H1-3: variants seen among roughly 807,000 people sequenced by gnomAD.
H1-3 encodes histone H1.3.
Under a neutral mutation model 3.6 loss-of-function variants are expected in H1-3, and 4 were observed. That is an observed-to-expected ratio of 1.12 (90% confidence interval 0.55 to 2.57). The LOEUF (loss-of-function observed/expected upper bound fraction) is 2.57, where lower values mean the gene tolerates loss of function less well. H1-3 is among the 30% of genes most tolerant of loss of function. H1-3 has a pLI of 0.02. For synonymous variants in H1-3, 266 were observed against 110.0 expected (o/e 2.42, Z -8.87); for missense variants, 670 against 274.3 (o/e 2.44, Z -10.19).
rs41266815 is a variant in H1-3 at position 26,234,923 on chromosome 6, G to A, written c.11C>T (p.Thr4Ile). The part of the protein sequence containing the change: MSE[T>I]APLAPTIPAP... ...AGGAATGGTAGGAGCAAGTGGAGCA[G>A]TCTCCGACATGTTTTTGTCTTCCCA... The change falls in exon 1 of 1, where the codon ACT (threonine) becomes ATT (isoleucine). Residue 4 changes from threonine to isoleucine, a missense_variant. By Grantham distance (89) the Thr-to-Ile change is moderately conservative. Coordinates refer to ENST00000244534, the MANE Select transcript of H1-3 (RefSeq NM_005320.3). 1.9e-5 allele frequency: 31 copies of A among 1,600,566 alleles called. No individual in the cohort carries two copies. The highest frequency in any genetic ancestry group is 1.7e-4 in the Middle Eastern group (1 of 5,986).
At position 26,234,594 on chromosome 6, in the gene H1-3, A is replaced by G; in HGVS notation, c.340T>C (p.Ser114Pro). 1 of 1,613,854 alleles carries G rather than the reference A, an allele frequency of 6.2e-7. No individual in the cohort carries two copies. Among genetic ancestry groups the G allele is most frequent in the Non-Finnish European group, 8.5e-7 (1 of 1,180,014 alleles). ...TTGGCCTTGGGTTTGCCTTCCCCGG[A>G]AGCCGCTTTCTTGTTGAGTTTGAAG... ...GSFKLNKKAA[S>P]GEGKPKAKKA... Residue 114 changes from serine (S) to proline (P), a missense_variant, in exon 1 of 1, where the codon TCC becomes CCC. Transcript: ENST00000244534.
Position 26,234,658 on chromosome 6 carries a change from A to G in H1-3, c.276T>C (p.Gly92=), listed in dbSNP as rs755594152. 10 of 1,613,998 alleles carry G rather than the reference A, an allele frequency of 6.2e-6. No homozygotes were observed. The African/African-American group carries it at 1.1e-4, about 17-fold the overall frequency. ...KLGLKSLVSK[G]TLVQTKGTGA... ...CGGTACCTTTGGTCTGCACCAGAGT[A>G]CCTTTGCTCACCAAGCTCTTGAGGC... is the stretch of plus-strand genomic sequence containing the variant. Residue 92 remains glycine, a synonymous_variant, in exon 1 of 1, where the codon GGT becomes GGC. Coordinates refer to ENST00000244534, the MANE Select transcript of H1-3 (RefSeq NM_005320.3).
In H1-3 at chr6:26,234,917, G is replaced by T; in HGVS notation, c.17C>A (p.Pro6Gln). Residue 6 changes from proline to glutamine, a missense_variant, in exon 1 of 1, where the codon CCA becomes CAA. Coordinates refer to ENST00000244534, the MANE Select transcript of H1-3 (RefSeq NM_005320.3). Reference protein sequence around the residue: MSETAPLAPTIPAPAE... With the variant: MSETAQLAPTIPAPAE... Reference sequence around the variant, plus strand: ...GGGTGCAGGAATGGTAGGAGCAAGTGGAGCAGTCTCCGACATGTTTTTGTC... The same window carrying T: ...GGGTGCAGGAATGGTAGGAGCAAGTTGAGCAGTCTCCGACATGTTTTTGTC... 6.2e-7 allele frequency: 1 copy of T among 1,606,990 alleles called. No homozygotes were observed. Among genetic ancestry groups the T allele is most frequent in the Non-Finnish European group, 8.5e-7 (1 of 1,177,672 alleles).
In H1-3 at chr6:26,234,612, G is replaced by T. The variant is rs144176369; in HGVS notation, c.322C>A (p.Leu108Ile). 6.2e-7 allele frequency: 1 copy of T among 1,614,098 alleles called. No homozygotes were observed. Among genetic ancestry groups the T allele is most frequent in the South Asian group, 1.1e-5 (1 of 91,074 alleles). The change falls in exon 1 of 1, where the codon CTC (leucine) becomes ATC (isoleucine). Residue 108 changes from leucine (L) to isoleucine (I), a missense_variant. Physicochemically the swap from Leu to Ile is conservative, Grantham distance 5. Coordinates refer to ENST00000244534, the MANE Select transcript of H1-3 (RefSeq NM_005320.3). ...TCCCCGGAAGCCGCTTTCTTGTTGA[G>T]TTTGAAGGAGCCAGAAGCACCGGTA... is the stretch of plus-strand genomic sequence containing the variant. ...KGTGASGSFK[L>I]NKKAASGEGK...
chr6:26,234,402 CCT>C lies in H1-3; in HGVS notation c.530_531del (p.Lys177SerfsTer15). 6.2e-7 allele frequency: 1 copy of C among 1,614,216 alleles called. No homozygotes were observed. On this transcript the variant is annotated frameshift_variant, in exon 1 of 1. Coordinates refer to ENST00000244534, the MANE Select transcript of H1-3 (RefSeq NM_005320.3). LOFTEE classifies it low-confidence loss of function (END_TRUNC). ...GCTTTTTTTGGCTGAGGTGTTTTCA[CCT>C]TTTTCGCACTCTTGGCCACTTTCTT... Reference protein sequence around the residue: ...GTKKVAKSAKKVKTPQPKKAA... With the variant: ...GTKKVAKSAKXVKTPQPKKAA...
chr6:26,234,507 C>T lies in H1-3; in HGVS notation c.427G>A (p.Ala143Thr), dbSNP rs1759737768. ...CTTTTCTTCGGGGTAGCGGCGCCAG[C>T]CACCTTCTTGGGCTTCTTGGCTGCC... ...AGAAKKPKKV[A>T]GAATPKKSIK... Residue 143 changes from alanine to threonine, a missense_variant, in exon 1 of 1, where the codon GCT becomes ACT. By Grantham distance (58) the Ala-to-Thr change is moderately conservative. Coordinates refer to ENST00000244534, the MANE Select transcript of H1-3 (RefSeq NM_005320.3). The T allele has an allele frequency of 6.2e-7, 1 of 1,613,918 alleles. No homozygotes were observed. The highest frequency in any genetic ancestry group is 8.5e-7 in the Non-Finnish European group (1 of 1,180,006).
rs1287446183 is a variant in H1-3, at chr6:26,234,550, C to T, written c.384G>A (p.Lys128=). ...TGGCTGCCCCAGCAGGCTTCCTAGG[C>T]TTGGCTGCGCCAGCCTTTTTGGCCT... ...KPKAKKAGAA[K]PRKPAGAAKK... The change falls in exon 1 of 1, where the codon AAG becomes AAA. Residue 128 remains lysine, a synonymous_variant. Coordinates refer to ENST00000244534, the MANE Select transcript of H1-3 (RefSeq NM_005320.3). The T allele has an allele frequency of 8.7e-6, 14 of 1,612,590 alleles. No homozygotes were observed. Among genetic ancestry groups the T allele is most frequent in the Middle Eastern group, 1.7e-4 (1 of 5,746 alleles).
rs148166404 is a variant in H1-3, at chr6:26,234,533, C to A, written c.401G>T (p.Gly134Val). 5.4e-5 allele frequency: 87 copies of A among 1,613,368 alleles called. 1 individual carries two copies. Among genetic ancestry groups the A allele is most frequent in the South Asian group, 2.7e-4 (25 of 91,060 alleles). Residue 134 changes from glycine (G) to valine (V), a missense_variant, in exon 1 of 1, where the codon GGG (glycine) becomes GTG (valine). By Grantham distance (109) the Gly-to-Val change is moderately radical. Transcript: ENST00000244534. ...CACCTTCTTGGGCTTCTTGGCTGCCCCAGCAGGCTTCCTAGGCTTGGCTGC... is the reference window on the plus strand; with the variant it reads ...CACCTTCTTGGGCTTCTTGGCTGCCACAGCAGGCTTCCTAGGCTTGGCTGC... ...AGAAKPRKPA[G>V]AAKKPKKVAG... is the part of the protein sequence containing the mutation.
At position 26,234,980 on chromosome 6, in the gene H1-3, A is replaced by C; in HGVS notation, c.-47T>G. The C allele has an allele frequency of 6.6e-7, 1 of 1,523,250 alleles. No homozygotes were observed. Among genetic ancestry groups the C allele is most frequent in the Non-Finnish European group, 8.9e-7 (1 of 1,128,294 alleles). The allele number at this position is 1,523,250 out of a possible 1,614,324, so 94.4% of individuals were successfully genotyped here. A position where few individuals can be genotyped will look rare whatever the true frequency, so the allele number is the denominator to read the frequency against. ...ACAATAAGTAATCTCAAACTGTCAG[A>C]ACAGCATGTCCTCTACGAGGGAGGC... On this transcript the variant is annotated 5_prime_UTR_variant, in exon 1 of 1. Transcript: ENST00000244534.
Position 26,234,442 on chromosome 6 carries a change from G to C in H1-3, c.492C>G (p.Thr164=). The C allele has an allele frequency of 6.2e-7, 1 of 1,614,108 alleles. No individual in the cohort carries two copies. The highest frequency in any genetic ancestry group is 8.5e-7 in the Non-Finnish European group (1 of 1,179,972). ...KTPKKVKKPA[T]AAGTKKVAKS... ...TGGCCACTTTCTTGGTCCCAGCAGCGGTTGCTGGCTTCTTTACCTTCTTAG... is the reference window on the plus strand; with the variant it reads ...TGGCCACTTTCTTGGTCCCAGCAGCCGTTGCTGGCTTCTTTACCTTCTTAG... Residue 164 remains threonine (T), a synonymous_variant, in exon 1 of 1, where the codon ACC becomes ACG. Coordinates refer to ENST00000244534, the MANE Select transcript of H1-3 (RefSeq NM_005320.3).
Position 26,234,325 on chromosome 6 carries a change from AGGCTTGGCCGCCTTG to A in H1-3, c.594_608del (p.Ala200_Lys204del). On this transcript the variant is annotated inframe_deletion, in exon 1 of 1. Transcript: ENST00000244534. ...TTGTAACCTTCGGCTTCCCCGACTT[AGGCTTGGCCGCCTTG>A]GGCTTAGGGGCTTTGGCCTTAGCTG... The A allele has an allele frequency of 6.2e-7, 1 of 1,612,886 alleles. No individual in the cohort carries two copies. The highest frequency in any genetic ancestry group is 8.5e-7 in the Non-Finnish European group (1 of 1,179,690).
In H1-3 at chr6:26,234,608, T is replaced by G. The variant is rs749753570; in HGVS notation, c.326A>C (p.Asn109Thr). Residue 109 changes from asparagine (N) to threonine (T), a missense_variant, in exon 1 of 1, where the codon AAC (asparagine) becomes ACC (threonine). Transcript: ENST00000244534. ...GTGASGSFKL[N>T]KKAASGEGKP... ...GCCTTCCCCGGAAGCCGCTTTCTTG[T>G]TGAGTTTGAAGGAGCCAGAAGCACC... 1.9e-6 allele frequency: 3 copies of G among 1,613,924 alleles called. No homozygotes were observed. Among genetic ancestry groups the G allele is most frequent in the South Asian group, 1.1e-5 (1 of 91,080 alleles).
In H1-3 at chr6:26,234,622, G is replaced by T; in HGVS notation, c.312C>A (p.Gly104=). ...LVQTKGTGAS[G]SFKLNKKAAS... ...CCGCTTTCTTGTTGAGTTTGAAGGA[G>T]CCAGAAGCACCGGTACCTTTGGTCT... Residue 104 remains glycine (G), a synonymous_variant, in exon 1 of 1, where the codon GGC becomes GGA. Coordinates refer to ENST00000244534, the MANE Select transcript of H1-3 (RefSeq NM_005320.3). 1 of 1,614,138 alleles carries T rather than the reference G, an allele frequency of 6.2e-7. No individual in the cohort carries two copies. The highest frequency in any genetic ancestry group is 8.5e-7 in the Non-Finnish European group (1 of 1,180,024).
In H1-3 at chr6:26,234,915, G is replaced by T; in HGVS notation, c.19C>A (p.Leu7Ile). Residue 7 changes from leucine (L) to isoleucine (I), a missense_variant, in exon 1 of 1, where the codon CTT becomes ATT. Transcript: ENST00000244534. MSETAP[L>I]APTIPAPAEK... is the part of the protein sequence containing the mutation. Reference sequence around the variant, plus strand: ...GCGGGTGCAGGAATGGTAGGAGCAAGTGGAGCAGTCTCCGACATGTTTTTG... The same window carrying T: ...GCGGGTGCAGGAATGGTAGGAGCAATTGGAGCAGTCTCCGACATGTTTTTG... 1 of 1,607,552 alleles carries T rather than the reference G, an allele frequency of 6.2e-7. No individual in the cohort carries two copies. Among genetic ancestry groups the T allele is most frequent in the South Asian group, 1.1e-5 (1 of 90,348 alleles).
chr6:26,234,361 A>T lies in H1-3; in HGVS notation c.573T>A (p.Ala191=), dbSNP rs151217279. 76 of 1,614,222 alleles carry T rather than the reference A, an allele frequency of 4.7e-5. No homozygotes were observed. In the African/African-American group the frequency reaches 8.3e-4, roughly 18 times the overall value. Residue 191 remains alanine (A), a synonymous_variant, in exon 1 of 1, where the codon GCT becomes GCA. Coordinates refer to ENST00000244534, the MANE Select transcript of H1-3 (RefSeq NM_005320.3). ...PQPKKAAKSP[A]KAKAPKPKAA... is the part of the protein sequence containing the mutation. ...CCTTGGGCTTAGGGGCTTTGGCCTT[A>T]GCTGGACTCTTGGCAGCTTTTTTTG...
rs745352725 is a variant in H1-3 at position 26,234,946 on chromosome 6, C to T, written c.-13G>A. On this transcript the variant is annotated 5_prime_UTR_variant, in exon 1 of 1. Coordinates refer to ENST00000244534, the MANE Select transcript of H1-3 (RefSeq NM_005320.3). ...CAGTCTCCGACATGTTTTTGTCTTC[C>T]CAGAAAAGACAATAAGTAATCTCAA... The T allele has an allele frequency of 3.8e-6, 6 of 1,584,330 alleles. No individual in the cohort carries two copies. Among genetic ancestry groups the T allele is most frequent in the South Asian group, 2.3e-5 (2 of 86,506 alleles).
Position 26,234,468 on chromosome 6 carries a change from G to C in H1-3, c.466C>G (p.Pro156Ala). 4 of 1,614,094 alleles carry C rather than the reference G, an allele frequency of 2.5e-6. No homozygotes were observed. Among genetic ancestry groups the C allele is most frequent in the East Asian group, 2.2e-5 (1 of 44,872 alleles). Residue 156 changes from proline to alanine, a missense_variant, in exon 1 of 1, where the codon CCT (proline) becomes GCT (alanine). Pro to Ala is a conservative substitution (Grantham distance 27). Coordinates refer to ENST00000244534, the MANE Select transcript of H1-3 (RefSeq NM_005320.3). ...GTTGCTGGCTTCTTTACCTTCTTAG[G>C]AGTCTTTTTGATGCTTTTCTTCGGG... The part of the protein sequence containing the change: ...ATPKKSIKKT[P>A]KKVKKPATAA...
At position 26,234,425 on chromosome 6, in the gene H1-3, T is replaced by A. The variant is rs1265340396; in HGVS notation, c.509A>T (p.Lys170Ile). The A allele has an allele frequency of 6.2e-7, 1 of 1,614,210 alleles. No individual in the cohort carries two copies. The highest frequency in any genetic ancestry group is 1.7e-5 in the Admixed American group (1 of 60,026). ...KKPATAAGTK[K>I]VAKSAKKVKT... Reference sequence around the variant, plus strand: ...CACCTTTTTCGCACTCTTGGCCACTTTCTTGGTCCCAGCAGCGGTTGCTGG... The same window carrying A: ...CACCTTTTTCGCACTCTTGGCCACTATCTTGGTCCCAGCAGCGGTTGCTGG... Residue 170 changes from lysine (K) to isoleucine (I), a missense_variant, in exon 1 of 1, where the codon AAA (lysine) becomes ATA (isoleucine). Physicochemically the swap from Lys to Ile is moderately radical, Grantham distance 102. Transcript: ENST00000244534.
chr6:26,234,636 T>C lies in H1-3; in HGVS notation c.298A>G (p.Thr100Ala). ...AGTTTGAAGGAGCCAGAAGCACCGG[T>C]ACCTTTGGTCTGCACCAGAGTACCT... is the stretch of plus-strand genomic sequence containing the variant. The part of the protein sequence containing the change: ...SKGTLVQTKG[T>A]GASGSFKLNK... The change falls in exon 1 of 1, where the codon ACC (threonine) becomes GCC (alanine). Residue 100 changes from threonine to alanine, a missense_variant. Coordinates refer to ENST00000244534, the MANE Select transcript of H1-3 (RefSeq NM_005320.3). The C allele has an allele frequency of 6.2e-7, 1 of 1,614,164 alleles. No homozygotes were observed. Among genetic ancestry groups the C allele is most frequent in the Non-Finnish European group, 8.5e-7 (1 of 1,180,022 alleles).
Sources: gnomAD v4.1 joint callset for allele counts on GRCh38, gnomAD v4.1.1 for gene constraint, MANE v1.5 for transcripts, NCBI Gene and HGNC (gene_info 2026-07-23, HGNC 2026-07-21) for gene names.